The following RSU1 variants were observed in gnomAD, a reference collection of about 807,000 sequenced individuals.
RSU1 encodes Ras suppressor protein 1, also known as rsu-1.
Under a neutral mutation model 31.1 loss-of-function variants are expected in RSU1, and 26 were observed. That is an observed-to-expected ratio of 0.84 (90% confidence interval 0.61 to 1.16). The LOEUF (loss-of-function observed/expected upper bound fraction) is 1.16. Ranked by LOEUF, RSU1 falls within the 50% of genes most tolerant of loss-of-function variation. The pLI is 0.00. For missense variants in RSU1, 320 were observed against 339.1 expected (o/e 0.94, Z 0.44); for synonymous variants, 164 against 136.3 (o/e 1.20, Z -1.41).
intron 7 of RSU1, among the ~76,000 whole-genome samples, chr10:16,751,909 T>C (rs990901483): frequency 6.6e-6 from 1 of 152,148 alleles, no homozygotes; most frequent in African/African-American, 2.4e-5. Context: ...AGGTTATTTC[T>C]GGCGGGGGAC....
chr10:16,718,634 A>G (rs919761907), intron 7 of RSU1, among the ~76,000 whole-genome samples: 4 of 152,182 alleles, frequency 2.6e-5, no homozygotes, highest in Admixed American at 6.5e-5. Context: ...GGTCAGACTC[A>G]TGGCTCAAAT....
chr10:16,692,734 TTTA>T (rs2131560359), intron 8 of RSU1, among the ~76,000 whole-genome samples: 1 of 152,262 alleles, frequency 6.6e-6, no homozygotes, highest in African/African-American at 2.4e-5. Flanking sequence ...TTCGTATTTT[TTTA>T]AAAAAAATTG....
At chr10:16,701,762 A>T (rs994249619) in intron 7 of RSU1, among the ~76,000 whole-genome samples, 1 of 152,180 alleles carries the variant, frequency 6.6e-6, no homozygotes, top group Non-Finnish European at 1.5e-5. Context: ...ATAGCATTTT[A>T]CATTGCTTCC....
At chr10:16,740,189 C>T (rs369726599) in intron 7 of RSU1, among the ~76,000 whole-genome samples, 15 of 151,744 alleles carry the variant, frequency 9.9e-5, no homozygotes, top group Admixed American at 7.9e-4. Context: ...CCCTCATGAA[C>T]GTGGAAAAAT....
chr10:16,653,506 TTGAC>T (rs1347438290), intron 8 of RSU1, among the ~76,000 whole-genome samples: 1 of 152,198 alleles, frequency 6.6e-6, no homozygotes, highest in African/African-American at 2.4e-5. Context: ...GGGATGTGCT[TTGAC>T]TGAGAGCATG....
intron 8 of RSU1, among the ~76,000 whole-genome samples, chr10:16,693,343 C>T (rs1269393862): frequency 6.6e-6 from 1 of 152,154 alleles, no homozygotes; most frequent in Non-Finnish European, 1.5e-5. Flanking sequence ...AGGAGCATGG[C>T]GCTCAGGCTG....
intron 8 of RSU1, among the ~76,000 whole-genome samples, chr10:16,667,490 TA>T (rs1358196916): frequency 1.3e-5 from 2 of 152,038 alleles, no homozygotes; most frequent in African/African-American, 2.4e-5. Flanking sequence ...TATTATTTAT[TA>T]ATTTTTTTTT....
chr10:16,773,311 G>C (rs1410112556), intron 3 of RSU1, among the ~76,000 whole-genome samples: 2 of 152,170 alleles, frequency 1.3e-5, no homozygotes, highest in African/African-American at 4.8e-5. Flanking sequence ...ACTGCATGAG[G>C]AGGGCAGGAA....
intron 7 of RSU1, among the ~76,000 whole-genome samples, chr10:16,704,884 A>G (rs924106317): frequency 1.3e-5 from 2 of 152,326 alleles, no homozygotes. Context: ...GATAAAATTT[A>G]TCATTTTCAT....
intron 8 of RSU1, among the ~76,000 whole-genome samples, chr10:16,693,555 A>T (rs1000840132): frequency 3.9e-5 from 6 of 152,064 alleles, no homozygotes; most frequent in African/African-American, 1.4e-4. Flanking sequence ...AATAGTTGGG[A>T]TGTTAGATTC....
intron 8 of RSU1, among the ~76,000 whole-genome samples, chr10:16,640,289 A>T (rs185166742): frequency 3.3e-5 from 5 of 152,022 alleles, no homozygotes; most frequent in Admixed American, 3.3e-4. Context: ...ACCTCCTCTT[A>T]TCTAATCATC....
chr10:16,806,395 C>A (rs1468750704), intron 2 of RSU1, among the ~76,000 whole-genome samples: 1 of 152,110 alleles, frequency 6.6e-6, no homozygotes, highest in Non-Finnish European at 1.5e-5. Flanking sequence ...ACACTGCTTC[C>A]GACGTCTGCA....
chr10:16,785,069 T>C (rs191201211), intron 2 of RSU1, among the ~76,000 whole-genome samples: 36 of 152,250 alleles, frequency 2.4e-4, no homozygotes, highest in African/African-American at 8.7e-4. Flanking sequence ...TCCTAGGTGT[T>C]CCTGTGAGGG....
intron 2 of RSU1, among the ~76,000 whole-genome samples, chr10:16,790,452 A>G (rs929057260): frequency 5.9e-5 from 9 of 152,338 alleles, no homozygotes; most frequent in Admixed American, 2.6e-4. Flanking sequence ...AGGTGGATTT[A>G]GAAAGACAAT....
chr10:16,694,053 G>A (rs185531049), intron 8 of RSU1, among the ~76,000 whole-genome samples: 1 of 152,014 alleles, frequency 6.6e-6, no homozygotes. Flanking sequence ...GCTGGGATAA[G>A]GTAGGAAAAT....
At chr10:16,749,865 T>C (rs183794428) in intron 7 of RSU1, among the ~76,000 whole-genome samples, 14 of 152,270 alleles carry the variant, frequency 9.2e-5, no homozygotes, top group African/African-American at 3.1e-4. Context: ...TTGTTCAAAC[T>C]TGGAAACTGC....
intron 7 of RSU1, among the ~76,000 whole-genome samples, chr10:16,722,861 CATATATGTAT>C (rs1564332472): frequency 1.1e-4 from 15 of 134,364 alleles, no homozygotes; most frequent in African/African-American, 3.4e-4. Flanking sequence ...CACATATATA[CATATATGTAT>C]ATATACACAC....
At chr10:16,816,885 C>A in intron 2 of RSU1, 88 bp downstream of exon 2, 1 of 926,772 alleles carries the variant, frequency 1.1e-6, no homozygotes, top group Non-Finnish European at 1.8e-6. Flanking sequence ...TAAACCAGTA[C>A]AATCGCTCAC....
intron 8 of RSU1, among the ~76,000 whole-genome samples, chr10:16,679,885 T>C (rs921218699): frequency 8.0e-5 from 12 of 149,070 alleles, no homozygotes; most frequent in African/African-American, 3.0e-4. Context: ...TTTTTTTTTT[T>C]TTTTTTTTTT....
Sources: gnomAD v4.1 joint callset for allele counts (sites outside exome capture counted in the v4.1 genomes callset) on GRCh38, gnomAD v4.1.1 for gene constraint, MANE v1.5 for transcripts, NCBI Gene and HGNC (gene_info 2026-07-23, HGNC 2026-07-21) for gene names.